The following TBC1D22A variants were observed in gnomAD, a reference collection of about 807,000 sequenced individuals.
The protein encoded by TBC1D22A is putative GTPase activator.
In TBC1D22A, 38 loss-of-function variants were observed where a neutral mutation model predicts 60.2. That is an observed-to-expected ratio of 0.63 (90% CI 0.49 to 0.83). The LOEUF (loss-of-function observed/expected upper bound fraction) is 0.83. Among genes scored for constraint, TBC1D22A ranks in the 40% least tolerant of loss-of-function variants. The probability of loss-of-function intolerance (pLI) is 0.00; values close to 1 mark genes in which losing one functional copy is unlikely to be tolerated. For missense variants in TBC1D22A, 628 were observed against 701.0 expected (o/e 0.90, Z 1.18); for synonymous variants, 302 against 281.7 (o/e 1.07, Z -0.72).
At chr22:47,003,188 T>C (rs1293159984) in intron 10 of TBC1D22A, among the ~76,000 whole-genome samples, 3 of 152,132 alleles carry the variant, frequency 2.0e-5, no homozygotes, top group African/African-American at 7.2e-5. Flanking sequence ...CTGAGCAGTG[T>C]TTGGCACACA....
intron 4 of TBC1D22A, among the ~76,000 whole-genome samples, chr22:46,833,564 G>A (rs894194053): frequency 6.6e-6 from 1 of 152,216 alleles, no homozygotes; most frequent in South Asian, 2.1e-4. Context: ...TGACTCGTGG[G>A]GGTGATAAGA....
At chr22:46,926,503 G>T (rs2071057064) in intron 8 of TBC1D22A, among the ~76,000 whole-genome samples, 2 of 152,188 alleles carry the variant, frequency 1.3e-5, no homozygotes, top group Non-Finnish European at 2.9e-5. Context: ...GACTATGATG[G>T]TTAATTTTGT....
intron 3 of TBC1D22A, 140 bp from the exon 4 acceptor site, chr22:46,797,304 C>G (rs1830344366): frequency 2.2e-6 from 2 of 898,780 alleles, no homozygotes; most frequent in Admixed American, 4.8e-5. Context: ...TGTTATTGCT[C>G]AAGAAACCAA....
intron 8 of TBC1D22A, among the ~76,000 whole-genome samples, chr22:46,917,973 C>T (rs58137882): frequency 0.086 from 13,085 of 152,168 alleles, 1,057 homozygotes; most frequent in African/African-American, 0.21. Context: ...GGGGCCTGAC[C>T]GCTGGGGTCC....
chr22:47,045,431 G>A (rs2063001143), intron 11 of TBC1D22A, among the ~76,000 whole-genome samples: 1 of 152,232 alleles, frequency 6.6e-6, no homozygotes, highest in South Asian at 2.1e-4. Context: ...AGGCGGCACT[G>A]TTGTAATCGA....
chr22:46,918,064 G>A (rs778086844), intron 8 of TBC1D22A, among the ~76,000 whole-genome samples: 7 of 152,190 alleles, frequency 4.6e-5, no homozygotes, highest in East Asian at 3.8e-4. Flanking sequence ...AATGGAGATC[G>A]TAATGGCACC....
At chr22:46,897,161 A>G (rs566646684) in intron 7 of TBC1D22A, among the ~76,000 whole-genome samples, 39 of 152,204 alleles carry the variant, frequency 2.6e-4, no homozygotes, top group Non-Finnish European at 4.7e-4. Context: ...AAGCTAGGAA[A>G]GAATGAAGCA....
chr22:46,919,487 G>A (rs1329953471), intron 8 of TBC1D22A, among the ~76,000 whole-genome samples: 1 of 152,134 alleles, frequency 6.6e-6, no homozygotes, highest in African/African-American at 2.4e-5. Flanking sequence ...CAGGAATAAC[G>A]TTGCTATGAG....
At chr22:47,029,232 C>T (rs1314022481) in intron 10 of TBC1D22A, among the ~76,000 whole-genome samples, 3 of 134,218 alleles carry the variant, frequency 2.2e-5, no homozygotes, top group African/African-American at 9.1e-5. Context: ...TTCCCATGGG[C>T]CCAGGGACAC....
chr22:47,165,305 A>G (rs1601738161), intron 12 of TBC1D22A, among the ~76,000 whole-genome samples: 1 of 151,894 alleles, frequency 6.6e-6, no homozygotes, highest in Non-Finnish European at 1.5e-5. Context: ...CTCCTCTGCC[A>G]CCTCCCAGGA....
intron 4 of TBC1D22A, among the ~76,000 whole-genome samples, chr22:46,801,750 G>A (rs1242444700): frequency 6.6e-6 from 1 of 152,246 alleles, no homozygotes; most frequent in Non-Finnish European, 1.5e-5. Context: ...CAGAAGGCAC[G>A]ACGACCCGTC....
chr22:47,164,908 A>G (rs2068137809), intron 12 of TBC1D22A, among the ~76,000 whole-genome samples: 1 of 152,188 alleles, frequency 6.6e-6, no homozygotes, highest in African/African-American at 2.4e-5. Context: ...TGTCTGCAGA[A>G]AGGCCCGGGG....
chr22:47,169,585 G>C (rs2068352249), intron 12 of TBC1D22A, among the ~76,000 whole-genome samples: 2 of 152,158 alleles, frequency 1.3e-5, no homozygotes, highest in Admixed American at 1.3e-4. Context: ...CCTTTACAAA[G>C]GGCCCTTGCA....
At chr22:46,841,073 T>TGTGTGTGAGAGA (rs35099198) in intron 4 of TBC1D22A, among the ~76,000 whole-genome samples, 1 of 148,568 alleles carries the variant, frequency 6.7e-6, no homozygotes, top group African/African-American at 2.5e-5. Context: ...TGTGTGTGTG[T>TGTGTGTGAGAGA]GAGAGAGAGA....
intron 11 of TBC1D22A, among the ~76,000 whole-genome samples, chr22:47,038,783 T>C (rs930298458): frequency 6.6e-6 from 1 of 152,210 alleles, no homozygotes; most frequent in Non-Finnish European, 1.5e-5. Context: ...CAGACTGTCA[T>C]TCGTGTCCGC....
intron 11 of TBC1D22A, among the ~76,000 whole-genome samples, chr22:47,050,366 C>T (rs1381501094): frequency 1.3e-5 from 2 of 152,234 alleles, no homozygotes; most frequent in Non-Finnish European, 2.9e-5. Context: ...CGTTCTTCCT[C>T]ATCTGGTTAA....
chr22:46,912,014 C>A, intron 7 of TBC1D22A, 60 bp from the exon 8 acceptor site: 1 of 1,134,184 alleles, frequency 8.8e-7, no homozygotes, highest in Non-Finnish European at 1.3e-6. Flanking sequence ...AGAATGCTTT[C>A]ATTTTAAAGT....
intron 12 of TBC1D22A, among the ~76,000 whole-genome samples, chr22:47,172,824 A>G (rs1327638459): frequency 6.6e-6 from 1 of 152,176 alleles, no homozygotes; most frequent in South Asian, 2.1e-4. Context: ...ACCCCAACCC[A>G]CTGGTGTGAG....
At chr22:46,846,449 G>T (rs2086997043) in intron 4 of TBC1D22A, among the ~76,000 whole-genome samples, 1 of 152,144 alleles carries the variant, frequency 6.6e-6, no homozygotes, top group Non-Finnish European at 1.5e-5. Context: ...AGTGTGGGAG[G>T]AAGGGTGACT....
Sources: gnomAD v4.1 joint callset for allele counts (sites outside exome capture counted in the v4.1 genomes callset) on GRCh38, gnomAD v4.1.1 for gene constraint, MANE v1.5 for transcripts, NCBI Gene and HGNC (gene_info 2026-07-23, HGNC 2026-07-21) for gene names.